Variants in PCSK5 observed in about 807,000 individuals in gnomAD.
PCSK5 encodes the protein prohormone convertase 5.
In PCSK5, 129 loss-of-function variants were observed where a neutral mutation model predicts 233.2. The observed-to-expected ratio is 0.55, with a 90% CI of 0.48 to 0.64. The LOEUF (loss-of-function observed/expected upper bound fraction) is 0.64, where lower values mean the gene tolerates loss of function less well. PCSK5 is among the 30% of genes least tolerant of loss of function. The pLI is 0.00. For missense variants in PCSK5, 2,076 were observed against 2,430.1 expected, an observed-to-expected ratio of 0.85 and a Z score of 3.06; for synonymous variants, 825 against 879.2, an observed-to-expected ratio of 0.94 and a Z score of 1.09.
intron 20 of PCSK5, among the ~76,000 whole-genome samples, chr9:76,223,223 T>A (rs2131303655): frequency 6.6e-6 from 1 of 152,362 alleles, no homozygotes; most frequent in South Asian, 2.1e-4. Context: ...GTGTACATAT[T>A]TATTTGCTAG....
intron 2 of PCSK5, among the ~76,000 whole-genome samples, chr9:75,935,442 T>A (rs1485773827): frequency 4.6e-5 from 7 of 152,220 alleles, no homozygotes; most frequent in African/African-American, 1.7e-4. Flanking sequence ...CTTACAGATA[T>A]GATGCGCCTT....
intron 16 of PCSK5, among the ~76,000 whole-genome samples, chr9:76,183,220 G>A (rs529427951): frequency 7.9e-5 from 12 of 152,204 alleles, no homozygotes; most frequent in East Asian, 1.9e-4. Flanking sequence ...TTGAGAGTCC[G>A]TTGTTTCCAG....
intron 20 of PCSK5, among the ~76,000 whole-genome samples, chr9:76,213,170 A>G (rs1825393865): frequency 6.6e-6 from 1 of 152,208 alleles, no homozygotes; most frequent in South Asian, 2.1e-4. Flanking sequence ...CTCTCTTTTC[A>G]TTATTCCCAT....
At position 75,932,502 on chromosome 9, in the gene PCSK5, G is replaced by T; in HGVS notation, c.297+19G>T. 2.8e-6 allele frequency: 4 copies of T among 1,433,170 alleles called. No individual in the cohort carries two copies. Among genetic ancestry groups the T allele is most frequent in the East Asian group, 2.3e-5 (1 of 44,040 alleles). 88.8% of individuals were successfully genotyped at this position (1,433,170 alleles called of 1,614,324 possible). Reference sequence around the variant, plus strand: ...ACCAAAGGTAAGAAGAACCAGTTGCGTGGGGACCAAGAGGCAAAGCTTCTG... The same window carrying T: ...ACCAAAGGTAAGAAGAACCAGTTGCTTGGGGACCAAGAGGCAAAGCTTCTG... On this transcript the variant is annotated intron_variant, in intron 2 of 37. Transcript: ENST00000674117.
chr9:76,225,292 A>G (rs1439456115), intron 20 of PCSK5, among the ~76,000 whole-genome samples: 1 of 152,204 alleles, frequency 6.6e-6, no homozygotes, highest in East Asian at 1.9e-4. Flanking sequence ...AGTAGCTGGC[A>G]TGTATGTAGT....
intron 24 of PCSK5, among the ~76,000 whole-genome samples, chr9:76,252,452 T>C (rs2131346694): frequency 6.6e-6 from 1 of 152,258 alleles, no homozygotes; most frequent in South Asian, 2.1e-4. Context: ...GCAAATTAAT[T>C]TGGGTTCACT....
chr9:76,044,545 C>G (rs1829298040), intron 5 of PCSK5, among the ~76,000 whole-genome samples: 2 of 152,132 alleles, frequency 1.3e-5, no homozygotes, highest in Admixed American at 6.5e-5. Context: ...GAAATAAAAG[C>G]TACCAGCAGT....
intron 24 of PCSK5, among the ~76,000 whole-genome samples, chr9:76,261,791 G>A (rs998138320): frequency 2.0e-5 from 3 of 152,154 alleles, no homozygotes; most frequent in African/African-American, 7.2e-5. Flanking sequence ...GTTCACTCAT[G>A]ATTTGGCTCT....
chr9:76,299,001 T>C (rs549880460), intron 27 of PCSK5, among the ~76,000 whole-genome samples: 1 of 152,302 alleles, frequency 6.6e-6, no homozygotes, highest in African/African-American at 2.4e-5. Context: ...ACCAACCCCA[T>C]GAGCATCTAT....
chr9:76,082,206 G>T (rs1830868266), intron 7 of PCSK5, among the ~76,000 whole-genome samples: 1 of 152,168 alleles, frequency 6.6e-6, no homozygotes, highest in Non-Finnish European at 1.5e-5. Context: ...CTCTCATTCA[G>T]ACTTACACAG....
intron 10 of PCSK5, among the ~76,000 whole-genome samples, chr9:76,151,524 T>C (rs1281935115): frequency 6.6e-6 from 1 of 152,212 alleles, no homozygotes. Flanking sequence ...TGGTTTCCTC[T>C]GTGCCTCAAC....
At chr9:76,038,775 T>C (rs1341254657) in intron 5 of PCSK5, among the ~76,000 whole-genome samples, 3 of 152,202 alleles carry the variant, frequency 2.0e-5, no homozygotes, top group African/African-American at 4.8e-5. Flanking sequence ...TTGACAACCA[T>C]GTATTCACTT....
chr9:76,021,743 A>C (rs1828200364), intron 3 of PCSK5, among the ~76,000 whole-genome samples: 1 of 152,176 alleles, frequency 6.6e-6, no homozygotes, highest in African/African-American at 2.4e-5. Context: ...TAACAAATTT[A>C]TTTCGGAGGC....
rs549175660 is a variant in PCSK5 at position 76,189,138 on chromosome 9, A to T, written c.2425A>T (p.Met809Leu). The change falls in exon 19 of 38, where the codon ATG (methionine) becomes TTG (leucine). Residue 809 changes from methionine (M) to leucine (L), a missense_variant. Around this residue, in one of 6 missense-constraint regions of PCSK5, gnomAD observed 1,510 missense variants for 1,538.1 expected, o/e 0.98. Coordinates refer to ENST00000674117, the MANE Select transcript of PCSK5 (RefSeq NM_001372043.1). ...GCINCTEGYF[M>L]EDGRCVQSCS... ...CATTAACTGCACAGAGGGCTACTTC[A>T]TGGAGGATGGGAGATGCGTGCAGAG... 1 of 1,613,276 alleles carries T rather than the reference A, an allele frequency of 6.2e-7. No individual in the cohort carries two copies. Among genetic ancestry groups the T allele is most frequent in the Non-Finnish European group, 8.5e-7 (1 of 1,179,468 alleles).
intron 9 of PCSK5, among the ~76,000 whole-genome samples, chr9:76,118,236 A>C (rs1832505781): frequency 6.6e-6 from 1 of 152,058 alleles, no homozygotes; most frequent in Admixed American, 6.6e-5. Flanking sequence ...ATTCAGTGAG[A>C]GTGTTCAGGG....
intron 1 of PCSK5, among the ~76,000 whole-genome samples, chr9:75,893,904 T>TG (rs538043010): frequency 1.1e-3 from 161 of 152,298 alleles, no homozygotes; most frequent in African/African-American, 3.9e-3. Context: ...GCTAAGTCTT[T>TG]GGGGTGGTAA....
At chr9:76,171,414 G>A (rs1823324967) in intron 13 of PCSK5, among the ~76,000 whole-genome samples, 1 of 152,166 alleles carries the variant, frequency 6.6e-6, no homozygotes, top group Non-Finnish European at 1.5e-5. Context: ...CAAGGAAGGT[G>A]CAGACATAAA....
At chr9:76,293,053 A>G (rs780579168) in intron 25 of PCSK5, among the ~76,000 whole-genome samples, 1 of 152,208 alleles carries the variant, frequency 6.6e-6, no homozygotes, top group African/African-American at 2.4e-5. Flanking sequence ...ACTGAAGCTC[A>G]GAGAGGGGCA....
chr9:76,085,326 A>G (rs1275712736), intron 7 of PCSK5, among the ~76,000 whole-genome samples: 2 of 152,192 alleles, frequency 1.3e-5, no homozygotes, highest in Non-Finnish European at 2.9e-5. Flanking sequence ...GATGAGGCCT[A>G]TAGTGGTATA....
Sources: allele counts gnomAD v4.1 joint callset (sites outside exome capture counted in the v4.1 genomes callset), GRCh38; gene constraint gnomAD v4.1.1; regional missense constraint gnomAD v4.1.1; transcripts MANE v1.5; gene names NCBI Gene and HGNC (gene_info 2026-07-23, HGNC 2026-07-21).